The following AMOTL1 variants were observed in gnomAD, a reference collection of about 807,000 sequenced individuals.
AMOTL1 encodes the protein angiomotin-like protein 1.
A neutral mutation model predicts 102.9 loss-of-function variants in AMOTL1; 45 were observed. That is an observed-to-expected ratio of 0.44 (90% CI 0.34 to 0.56). The LOEUF is 0.56. AMOTL1 is among the 20% of genes least tolerant of loss of function. AMOTL1 has a pLI of 0.01. For missense variants in AMOTL1, 1,114 were observed against 1,225.6 expected (o/e 0.91, Z 1.36); for synonymous variants, 481 against 484.7 (o/e 0.99, Z 0.10).
At chr11:94,852,257 G>T (rs775943156) in intron 7 of AMOTL1, among the ~76,000 whole-genome samples, 2 of 152,180 alleles carry the variant, frequency 1.3e-5, no homozygotes, top group African/African-American at 2.4e-5. Flanking sequence ...GTCTAAAGTT[G>T]CTCTCTCCTC....
intron 3 of AMOTL1, among the ~76,000 whole-genome samples, chr11:94,803,535 G>C (rs1951516617): frequency 6.6e-6 from 1 of 152,152 alleles, no homozygotes; most frequent in African/African-American, 2.4e-5. Context: ...AAGTGTAAAT[G>C]GATAAGAATG....
intron 1 of AMOTL1, among the ~76,000 whole-genome samples, chr11:94,783,074 A>G (rs1359977860): frequency 6.6e-6 from 1 of 152,196 alleles, no homozygotes; most frequent in African/African-American, 2.4e-5. Context: ...GTATAAAAGG[A>G]TCCTAAAACC....
At chr11:94,717,500 G>A (rs1427343099) in intron 1 of AMOTL1, among the ~76,000 whole-genome samples, 1 of 151,612 alleles carries the variant, frequency 6.6e-6, no homozygotes, top group Non-Finnish European at 1.5e-5. Flanking sequence ...GGTATTGAGG[G>A]AAATGACATT....
At chr11:94,811,656 C>T (rs1247620465) in intron 3 of AMOTL1, among the ~76,000 whole-genome samples, 1 of 151,858 alleles carries the variant, frequency 6.6e-6, no homozygotes, top group Admixed American at 6.6e-5. Flanking sequence ...GCTGGTCAAA[C>T]CCAATAGGAA....
chr11:94,835,194 T>A (rs1952152746), intron 6 of AMOTL1, among the ~76,000 whole-genome samples: 1 of 152,232 alleles, frequency 6.6e-6, no homozygotes, highest in African/African-American at 2.4e-5. Flanking sequence ...AATGTTTTTG[T>A]AGCTTATAGG....
chr11:94,771,525 T>A (rs1008467216), intron 1 of AMOTL1, among the ~76,000 whole-genome samples: 3 of 152,182 alleles, frequency 2.0e-5, no homozygotes, highest in Non-Finnish European at 2.9e-5. Flanking sequence ...TTTTTTTGTT[T>A]GCCTAGTGAT....
At position 94,871,968 on chromosome 11, in the gene AMOTL1, CTT is replaced by C. The variant is rs1432980549; in HGVS notation, c.*1175_*1176del. Reference sequence around the variant, plus strand: ...TGAGGCTCATGAGCGTATTCACACTCTTTCCTCCCCCGCGCACGCCTCTGCTT... The same window carrying C: ...TGAGGCTCATGAGCGTATTCACACTCTCCTCCCCCGCGCACGCCTCTGCTT... On this transcript the variant is annotated 3_prime_UTR_variant, in exon 13 of 13. Coordinates refer to ENST00000433060, the MANE Select transcript of AMOTL1 (RefSeq NM_130847.3). 3 of 152,038 alleles carry C rather than the reference CTT, an allele frequency of 2.0e-5. No homozygotes were observed. The highest frequency in any genetic ancestry group is 1.9e-4 in the East Asian group (1 of 5,162). The allele number at this position is 152,038 out of a possible 1,614,324, so 9.4% of individuals were successfully genotyped here. A position where few individuals can be genotyped will look rare whatever the true frequency, so the allele number is the denominator to read the frequency against.
intron 1 of AMOTL1, among the ~76,000 whole-genome samples, chr11:94,718,738 C>T (rs538996076): frequency 7.1e-5 from 10 of 140,016 alleles, no homozygotes; most frequent in African/African-American, 2.2e-4. Context: ...CCTTGTCTGG[C>T]TTTCTGTTGA....
At chr11:94,768,213 A>T (rs1486887385), upstream of AMOTL1, 4 of 1,046,666 alleles carry the variant, frequency 3.8e-6, no homozygotes, top group East Asian at 1.7e-4. Flanking sequence ...CGGCCCGGGG[A>T]GGGGCGGCGG....
At chr11:94,707,709 C>G (rs1315490364) in intron 1 of AMOTL1, among the ~76,000 whole-genome samples, 2 of 152,128 alleles carry the variant, frequency 1.3e-5, no homozygotes, top group East Asian at 1.9e-4. Flanking sequence ...TCTGCTCCCC[C>G]TTCTGTGTCC....
intron 1 of AMOTL1, among the ~76,000 whole-genome samples, chr11:94,784,353 T>C (rs1023522579): frequency 2.0e-5 from 3 of 152,216 alleles, no homozygotes; most frequent in African/African-American, 7.2e-5. Flanking sequence ...CTTTATCTCA[T>C]CATGTTGTTG....
At chr11:94,796,854 A>G (rs1358207163) in intron 2 of AMOTL1, 2 of 366,066 alleles carry the variant, frequency 5.5e-6, no homozygotes, top group African/African-American at 4.4e-5. Context: ...TGAACCTTCT[A>G]ATGGCATATG....
At chr11:94,741,213 T>C (rs1308336859) in intron 3 of AMOTL1, among the ~76,000 whole-genome samples, 1 of 151,624 alleles carries the variant, frequency 6.6e-6, no homozygotes, top group East Asian at 1.9e-4. Context: ...TGCGTGTGTG[T>C]GTGTGTGCGT....
Position 94,873,812 on chromosome 11 carries a change from C to CACACACACACAG in AMOTL1, c.*3018_*3019insCACACACACAGA, listed in dbSNP as rs781440940. On this transcript the variant is annotated 3_prime_UTR_variant, in exon 13 of 13. Coordinates refer to ENST00000433060, the MANE Select transcript of AMOTL1 (RefSeq NM_130847.3). Reference sequence around the variant, plus strand: ...ACACACACACACACACACACACACACAGCTATCACACATCTCAGAGCCTAA... The same window carrying CACACACACACAG: ...ACACACACACACACACACACACACACACACACACACAGAGCTATCACACATCTCAGAGCCTAA... 6.6e-6 allele frequency: 1 copy of CACACACACACAG among 151,388 alleles called. No individual in the cohort carries two copies. The highest frequency in any genetic ancestry group is 1.5e-5 in the Non-Finnish European group (1 of 68,402). The allele number at this position is 151,388 out of a possible 1,614,324, so 9.4% of individuals were successfully genotyped here.
intron 1 of AMOTL1, among the ~76,000 whole-genome samples, chr11:94,708,835 T>C (rs1272490374): frequency 1.3e-5 from 2 of 152,178 alleles, no homozygotes; most frequent in African/African-American, 4.8e-5. Context: ...GTGATTGTAA[T>C]GTGTGTAGTA....
At position 94,751,745 on chromosome 11, in the gene AMOTL1, TA is replaced by T. The variant is rs571809430; in HGVS notation, c.136+10761del. Among the ~76,000 whole-genome samples the T allele has an allele frequency of 1.0e-3, 152 of 146,508 alleles. No individual in the cohort carries two copies. The Middle Eastern group carries it at 0.011, about 11-fold the overall frequency. On this transcript the variant is annotated intron_variant, in intron 3 of 4. Transcript: ENST00000299004. ...AGGAAAGAGATCTGGAGTAATGGGA[TA>T]AAACATATATATGCTCACATGCATT...
In AMOTL1 at chr11:94,799,593, A is replaced by G; in HGVS notation, c.403A>G (p.Thr135Ala). The G allele has an allele frequency of 1.9e-6, 3 of 1,613,922 alleles. No individual in the cohort carries two copies. The highest frequency in any genetic ancestry group is 2.5e-6 in the Non-Finnish European group (3 of 1,179,862). Residue 135 changes from threonine (T) to alanine (A), a missense_variant, in exon 3 of 13, where the codon ACA becomes GCA. By Grantham distance (58) the Thr-to-Ala change is moderately conservative. Coordinates refer to ENST00000433060, the MANE Select transcript of AMOTL1 (RefSeq NM_130847.3). The surrounding 1 kb of genome is among the most constrained non-coding windows in gnomAD (Gnocchi z 4.5). ...ATGSAGPAHP[T>A]NNFSSTENLT... ...AGGGAGTGCAGGACCAGCCCATCCTACAAACAACTTTTCTTCCACGGAAAA... is the reference window on the plus strand; with the variant it reads ...AGGGAGTGCAGGACCAGCCCATCCTGCAAACAACTTTTCTTCCACGGAAAA...
At chr11:94,858,482 G>A (rs185309039) in intron 8 of AMOTL1, among the ~76,000 whole-genome samples, 2 of 152,106 alleles carry the variant, frequency 1.3e-5, no homozygotes, top group Non-Finnish European at 2.9e-5. Flanking sequence ...TGTTGCTCTG[G>A]GTAATTCCCC....
intron 1 of AMOTL1, among the ~76,000 whole-genome samples, chr11:94,724,148 G>C (rs1490537759): frequency 6.6e-6 from 1 of 152,068 alleles, no homozygotes; most frequent in Non-Finnish European, 1.5e-5. Flanking sequence ...GGGTTGTTTG[G>C]TTTGTCTTCT....
Sources: gnomAD v4.1 joint callset for allele counts (sites outside exome capture counted in the v4.1 genomes callset) on GRCh38, gnomAD v4.1.1 for gene constraint, Gnocchi (gnomAD v3.1) non-coding constraint, MANE v1.5 for transcripts, NCBI Gene and HGNC (gene_info 2026-07-23, HGNC 2026-07-21) for gene names.